The following NAALADL2 variants were observed in gnomAD, a reference collection of about 807,000 sequenced individuals.
The protein encoded by NAALADL2 is inactive N-acetylated-alpha-linked acidic dipeptidase-like protein 2.
NAALADL2 carries 76 observed loss-of-function variants against 87.2 expected under a neutral mutation model. The ratio of observed to expected loss-of-function variants is 0.87; its 90% CI spans 0.72 to 1.05. The LOEUF (loss-of-function observed/expected upper bound fraction) is 1.05. Among genes scored for constraint, NAALADL2 ranks in the 50% least tolerant of loss-of-function variants. The pLI is 0.00. For synonymous variants in NAALADL2, 354 were observed against 331.0 expected, an observed-to-expected ratio of 1.07 and a Z score of -0.75; for missense variants, 1,089 against 945.8, an observed-to-expected ratio of 1.15 and a Z score of -1.99.
At chr3:175,727,195 C>T (rs973507702) in intron 11 of NAALADL2, among the ~76,000 whole-genome samples, 7 of 152,116 alleles carry the variant, frequency 4.6e-5, no homozygotes, top group African/African-American at 1.7e-4. Flanking sequence ...AGGCTGCAAA[C>T]CCAGTGTCTC....
chr3:174,844,324 G>T (rs1355361223), intron 3 of NAALADL2, among the ~76,000 whole-genome samples: 1 of 152,072 alleles, frequency 6.6e-6, no homozygotes, highest in Non-Finnish European at 1.5e-5. Context: ...TATTTCAGGG[G>T]CTTCCATTCA....
chr3:175,124,958 C>A (rs1423030865), intron 2 of NAALADL2, among the ~76,000 whole-genome samples: 1 of 151,750 alleles, frequency 6.6e-6, no homozygotes, highest in Non-Finnish European at 1.5e-5. Context: ...GAAGATCAAT[C>A]TAGTGAGCAG....
intron 10 of NAALADL2, 45 bp downstream of exon 10, chr3:175,576,232 A>G (rs9827629): frequency 0.021 from 31,979 of 1,531,106 alleles, 831 homozygotes; most frequent in African/African-American, 0.13. Flanking sequence ...ACAATATAGT[A>G]GACCTGCAGA....
At chr3:175,756,821 G>T (rs1039913016) in intron 13 of NAALADL2, among the ~76,000 whole-genome samples, 4 of 151,780 alleles carry the variant, frequency 2.6e-5, no homozygotes, top group African/African-American at 9.7e-5. Context: ...TTTAGAAAAA[G>T]ATTATGGCAT....
rs1188991270 is a variant in NAALADL2 at position 175,463,429 on chromosome 3, GA to G, written c.1264del (p.Thr422GlnfsTer5). 1 of 1,597,156 alleles carries G rather than the reference GA, an allele frequency of 6.3e-7. No homozygotes were observed. The highest frequency in any genetic ancestry group is 1.7e-5 in the Admixed American group (1 of 59,010). ...EIRVVSMQVQ[T>X]VTKLKTVTNV... ...TAAGAGTCGTCAGCATGCAAGTTCAGACAGTCACAAAATTGAAAACAGTTAC... is the reference window on the plus strand; with the variant it reads ...TAAGAGTCGTCAGCATGCAAGTTCAGCAGTCACAAAATTGAAAACAGTTAC... On this transcript the variant is annotated frameshift_variant, in exon 7 of 14. Coordinates refer to ENST00000454872, the MANE Select transcript of NAALADL2 (RefSeq NM_207015.3). LOFTEE classifies it high-confidence loss of function.
chr3:175,411,410 C>T (rs977946372), intron 5 of NAALADL2, among the ~76,000 whole-genome samples: 1 of 151,950 alleles, frequency 6.6e-6, no homozygotes, highest in East Asian at 1.9e-4. Context: ...GAGAAGAGTG[C>T]GGACTGGGGG....
intron 1 of NAALADL2, among the ~76,000 whole-genome samples, chr3:174,897,592 A>G (rs867911313): frequency 3.9e-5 from 6 of 152,208 alleles, no homozygotes; most frequent in South Asian, 2.1e-4. Context: ...TACAATCACT[A>G]TGGAGAACAG....
At chr3:175,165,192 T>C (rs932296542) in intron 2 of NAALADL2, among the ~76,000 whole-genome samples, 3 of 152,174 alleles carry the variant, frequency 2.0e-5, no homozygotes, top group African/African-American at 7.2e-5. Flanking sequence ...CATGCTTCCA[T>C]AGTACTTCAA....
intron 5 of NAALADL2, chr3:175,369,709 G>A (rs1168835603): frequency 6.6e-6 from 1 of 152,210 alleles, no homozygotes; most frequent in Non-Finnish European, 1.5e-5. Flanking sequence ...AAAATATTTT[G>A]CCTGAAAGAT....
chr3:175,721,798 T>A (rs2150035759), intron 11 of NAALADL2, among the ~76,000 whole-genome samples: 1 of 152,150 alleles, frequency 6.6e-6, no homozygotes, highest in Admixed American at 6.6e-5. Flanking sequence ...CATAAGATAA[T>A]CTTCCTAGAC....
At chr3:174,660,501 T>G (rs1045181235) in intron 2 of NAALADL2, among the ~76,000 whole-genome samples, 7 of 152,156 alleles carry the variant, frequency 4.6e-5, no homozygotes, top group Non-Finnish European at 8.8e-5. Flanking sequence ...CTTAAAAATT[T>G]GTAGGTTGAT....
chr3:175,022,121 C>T (rs1751638613), intron 1 of NAALADL2, among the ~76,000 whole-genome samples: 1 of 152,042 alleles, frequency 6.6e-6, no homozygotes, highest in Non-Finnish European at 1.5e-5. Flanking sequence ...TGCACTATAA[C>T]TGAAAGCTTC....
chr3:175,702,520 A>C lies in NAALADL2; in HGVS notation c.1897-34786A>C, dbSNP rs111979777. On this transcript the variant is annotated intron_variant, in intron 11 of 13. Transcript: ENST00000454872. ...CTGCCTACAAAGTTACCAAATAACA[A>C]AGTATGCTTAAATAAAAAGAAAAAT... Among the ~76,000 whole-genome samples, 608 of 152,320 alleles carry C rather than the reference A, an allele frequency of 4.0e-3. 1 individual carries two copies. The highest frequency in any genetic ancestry group is 0.01 in the Middle Eastern group (3 of 294).
intron 2 of NAALADL2, among the ~76,000 whole-genome samples, chr3:175,212,496 T>C (rs1224701706): frequency 6.6e-6 from 1 of 152,090 alleles, no homozygotes. Context: ...TTTCCAGATA[T>C]AAATAATGAC....
intron 5 of NAALADL2, among the ~76,000 whole-genome samples, chr3:175,368,573 G>C (rs1166034649): frequency 1.0e-5 from 1 of 99,294 alleles, no homozygotes; most frequent in Non-Finnish European, 2.1e-5. Context: ...GTGTGTGTGA[G>C]TGTGTGTGTG....
At chr3:175,606,836 T>C (rs1723812626) in intron 10 of NAALADL2, among the ~76,000 whole-genome samples, 1 of 152,190 alleles carries the variant, frequency 6.6e-6, no homozygotes, top group South Asian at 2.1e-4. Flanking sequence ...GCTTTTCCTG[T>C]AGACAGGTGG....
intron 1 of NAALADL2, among the ~76,000 whole-genome samples, chr3:174,982,350 A>G (rs1206138792): frequency 6.6e-6 from 1 of 151,856 alleles, no homozygotes. Flanking sequence ...TTTTAGCAGT[A>G]TAACTTAAAA....
At chr3:175,525,020 A>C (rs949140588) in intron 9 of NAALADL2, among the ~76,000 whole-genome samples, 39 of 152,268 alleles carry the variant, frequency 2.6e-4, no homozygotes, top group African/African-American at 9.1e-4. Flanking sequence ...TTGACAGAGA[A>C]GGGTGCATGT....
rs553344404 is a variant in NAALADL2 at position 175,713,808 on chromosome 3, G to A, written c.1897-23498G>A. On this transcript the variant is annotated intron_variant, in intron 11 of 13. Coordinates refer to ENST00000454872, the MANE Select transcript of NAALADL2 (RefSeq NM_207015.3). ...AGATTTGTTACATAGGTATACACGT[G>A]CCATGGTGGTTTGCTACACCCATCA... Among the ~76,000 whole-genome samples the A allele has an allele frequency of 1.2e-3, 189 of 151,988 alleles. 1 individual carries two copies. The highest frequency in any genetic ancestry group is 4.4e-3 in the African/African-American group (182 of 41,442).
Sources: allele counts gnomAD v4.1 joint callset (sites outside exome capture counted in the v4.1 genomes callset), GRCh38; gene constraint gnomAD v4.1.1; transcripts MANE v1.5; gene names NCBI Gene and HGNC (gene_info 2026-07-23, HGNC 2026-07-21).